Variants in CLSTN2 observed in about 807,000 individuals in gnomAD.
CLSTN2 encodes calsyntenin 2, also known as calsyntenin-2.
CLSTN2 carries 48 observed loss-of-function variants against 101.2 expected under a neutral mutation model. The observed-to-expected ratio is 0.47, with a 90% confidence interval of 0.38 to 0.60. The LOEUF (loss-of-function observed/expected upper bound fraction) is 0.60. Among genes scored for constraint, CLSTN2 ranks in the 20% least tolerant of loss-of-function variants. The pLI is 0.00. For synonymous variants in CLSTN2, 481 were observed against 463.6 expected, an observed-to-expected ratio of 1.04 and a Z score of -0.48; for missense variants, 1,160 against 1,238.2, an observed-to-expected ratio of 0.94 and a Z score of 0.95.
intron 1 of CLSTN2, among the ~76,000 whole-genome samples, chr3:140,107,172 T>C (rs887202885): frequency 1.2e-4 from 18 of 152,202 alleles, no homozygotes; most frequent in Admixed American, 2.0e-4. Flanking sequence ...TCTATAATAA[T>C]ATCCTCTATG....
At chr3:140,309,574 G>A (rs1474429000) in intron 2 of CLSTN2, among the ~76,000 whole-genome samples, 1 of 152,098 alleles carries the variant, frequency 6.6e-6, no homozygotes, top group East Asian at 1.9e-4. Context: ...AATGCAGGCA[G>A]GCCAGAGAAG....
intron 1 of CLSTN2, among the ~76,000 whole-genome samples, chr3:139,999,140 A>G (rs977122942): frequency 2.6e-5 from 4 of 152,126 alleles, no homozygotes; most frequent in African/African-American, 9.7e-5. Flanking sequence ...GTCTGTGGTG[A>G]TGGCCCCAAG....
At chr3:140,359,042 C>T (rs1434556848) in intron 2 of CLSTN2, among the ~76,000 whole-genome samples, 1 of 152,016 alleles carries the variant, frequency 6.6e-6, no homozygotes, top group East Asian at 1.9e-4. Context: ...TTCAAAGTGT[C>T]ACCTCTCATC....
intron 1 of CLSTN2, among the ~76,000 whole-genome samples, chr3:140,150,184 T>C (rs116743824): frequency 6.3e-4 from 96 of 152,352 alleles, no homozygotes; most frequent in African/African-American, 2.1e-3. Context: ...TTGTGGTCTA[T>C]TGTGTGCCCA....
intron 1 of CLSTN2, among the ~76,000 whole-genome samples, chr3:140,174,335 T>G (rs1031494063): frequency 2.0e-5 from 3 of 152,226 alleles, no homozygotes; most frequent in African/African-American, 4.8e-5. Context: ...TGGAGCTTAT[T>G]GCCCATATCA....
intron 5 of CLSTN2, among the ~76,000 whole-genome samples, chr3:140,436,392 G>A (rs2088687946): frequency 6.6e-6 from 1 of 152,244 alleles, no homozygotes; most frequent in Non-Finnish European, 1.5e-5. Flanking sequence ...TAAGTTCATT[G>A]TAAGTGTGTT....
At chr3:140,314,500 G>A (rs1327180165) in intron 2 of CLSTN2, among the ~76,000 whole-genome samples, 1 of 152,112 alleles carries the variant, frequency 6.6e-6, no homozygotes, top group Non-Finnish European at 1.5e-5. Context: ...TCCCCTAGAG[G>A]CCTCATGGGA....
intron 1 of CLSTN2, among the ~76,000 whole-genome samples, chr3:140,153,021 G>T (rs1224451222): frequency 6.6e-6 from 1 of 152,184 alleles, no homozygotes; most frequent in East Asian, 1.9e-4. Flanking sequence ...TGCCTTCCTG[G>T]TTTATGTGGT....
chr3:140,234,605 G>A (rs1254177444), intron 2 of CLSTN2, among the ~76,000 whole-genome samples: 1 of 152,118 alleles, frequency 6.6e-6, no homozygotes, highest in East Asian at 1.9e-4. Flanking sequence ...CCTGTGTGCT[G>A]GTACCATGAC....
chr3:140,338,448 C>T (rs1375575509), intron 2 of CLSTN2, among the ~76,000 whole-genome samples: 1 of 152,210 alleles, frequency 6.6e-6, no homozygotes, highest in Non-Finnish European at 1.5e-5. Flanking sequence ...TCTATCAATG[C>T]TCTACAGCCA....
intron 1 of CLSTN2, among the ~76,000 whole-genome samples, chr3:139,961,698 C>CGGG (rs1192738500): frequency 6.6e-6 from 1 of 151,856 alleles, no homozygotes; most frequent in African/African-American, 2.4e-5. Context: ...GAAAGATTAG[C>CGGG]GGATTTTCTT....
At chr3:140,241,816 TA>T (rs2086470069) in intron 2 of CLSTN2, among the ~76,000 whole-genome samples, 1 of 148,402 alleles carries the variant, frequency 6.7e-6, no homozygotes, top group Non-Finnish European at 1.5e-5. Flanking sequence ...TATACACATA[TA>T]TATATATACA....
Position 140,206,254 on chromosome 3 carries a change from CCTT to C in CLSTN2, c.232+30184_232+30186del, listed in dbSNP as rs563345870. Among the ~76,000 whole-genome samples, 28 of 152,232 alleles carry C rather than the reference CCTT, an allele frequency of 1.8e-4. 1 individual carries two copies. In the South Asian group the frequency reaches 5.8e-3, roughly 32 times the overall value. On this transcript the variant is annotated intron_variant, in intron 2 of 16. Transcript: ENST00000458420. ...GATGCAGCCCAGAGGGAGAGCTTCT[CCTT>C]CTCCAGAGTGCAGACCTGGTCTCAG...
intron 2 of CLSTN2, among the ~76,000 whole-genome samples, chr3:140,292,387 GT>G (rs531621498): frequency 8.4e-4 from 128 of 151,900 alleles, no homozygotes; most frequent in African/African-American, 3.0e-3. Flanking sequence ...GTCAATATTT[GT>G]TTTTTTTCTT....
At chr3:140,519,447 G>A (rs559348483) in intron 8 of CLSTN2, among the ~76,000 whole-genome samples, 266 of 152,172 alleles carry the variant, frequency 1.7e-3, no homozygotes, top group Non-Finnish European at 2.8e-3. Context: ...AAAATCTCTC[G>A]CTATTATTGT....
chr3:139,935,282 G>A lies in CLSTN2; in HGVS notation c.-93G>A, dbSNP rs1039183132. Reference sequence around the variant, plus strand: ...CGCTAGAAGCGCACCCATCGGGCACGGCGAGGCGGCCCACGGTGCGGCAGG... The same window carrying A: ...CGCTAGAAGCGCACCCATCGGGCACAGCGAGGCGGCCCACGGTGCGGCAGG... On this transcript the variant is annotated 5_prime_UTR_variant, in exon 1 of 17. Transcript: ENST00000458420. This position sits in a 1 kb window ranked among gnomAD's most constrained non-coding sequence, Gnocchi z 5.5. 5.6e-5 allele frequency: 35 copies of A among 624,304 alleles called. No homozygotes were observed. The highest frequency in any genetic ancestry group is 1.4e-4 in the Admixed American group (3 of 22,014). 38.7% of individuals were successfully genotyped at this position (624,304 alleles called of 1,614,324 possible). A position where few individuals can be genotyped will look rare whatever the true frequency, so the allele number is the denominator to read the frequency against.
At chr3:140,014,852 AT>A (rs1213848186) in intron 1 of CLSTN2, among the ~76,000 whole-genome samples, 1 of 152,142 alleles carries the variant, frequency 6.6e-6, no homozygotes, top group Non-Finnish European at 1.5e-5. Flanking sequence ...AATGGGAGTG[AT>A]TGTAGGATTT....
rs113995599 is a variant in CLSTN2 at position 140,553,423 on chromosome 3, C to A, written c.1675-3090C>A. ...GTCTAAGAGGGAAAAGGAAATACTC[C>A]AAAGTTGCATTTTGTACTAGAACTG... On this transcript the variant is annotated intron_variant, in intron 10 of 16. Transcript: ENST00000458420. Among the ~76,000 whole-genome samples, 640 of 152,184 alleles carry A rather than the reference C, an allele frequency of 4.2e-3. 4 individuals are homozygous for A. The highest frequency in any genetic ancestry group is 0.015 in the African/African-American group (606 of 41,522).
intron 1 of CLSTN2, among the ~76,000 whole-genome samples, chr3:140,172,955 CA>C (rs1400165217): frequency 6.6e-6 from 1 of 152,112 alleles, no homozygotes; most frequent in Admixed American, 6.5e-5. Flanking sequence ...AGAGCCAAAC[CA>C]TATCATTCTT....
Sources: gnomAD v4.1 joint callset for allele counts (sites outside exome capture counted in the v4.1 genomes callset) on GRCh38, gnomAD v4.1.1 for gene constraint, Gnocchi (gnomAD v3.1) non-coding constraint, MANE v1.5 for transcripts, NCBI Gene and HGNC (gene_info 2026-07-23, HGNC 2026-07-21) for gene names.